The following CCDC42 variants were observed in gnomAD, a reference collection of about 807,000 sequenced individuals.
The protein encoded by CCDC42 is coiled-coil domain-containing protein 42.
A neutral mutation model predicts 40.8 loss-of-function variants in CCDC42; 38 were observed. That is an observed-to-expected ratio of 0.93 (90% CI 0.72 to 1.22). CCDC42 has a LOEUF of 1.22. Ranked by LOEUF, CCDC42 falls within the 50% of genes most tolerant of loss-of-function variation. CCDC42 has a pLI of 0.00. For synonymous variants in CCDC42, 135 were observed against 157.5 expected, an observed-to-expected ratio of 0.86 and a Z score of 1.07; for missense variants, 379 against 416.5, an observed-to-expected ratio of 0.91 and a Z score of 0.78.
chr17:8,733,569 C>T (rs1368673879), intron 6 of CCDC42, among the ~76,000 whole-genome samples: 5 of 152,250 alleles, frequency 3.3e-5, no homozygotes, highest in Admixed American at 3.3e-4. Flanking sequence ...TGGCTCACTA[C>T]AACCTCCGCC....
chr17:8,735,735 C>T lies in CCDC42; in HGVS notation c.493-124G>A. ...ACACCTGGGCAGGCAGGCCCTTGGC[C>T]AGGGTCACGGCCAGAGGCTGTGAGG... On this transcript the variant is annotated intron_variant, in intron 4 of 6. Coordinates refer to ENST00000293845, the MANE Select transcript of CCDC42 (RefSeq NM_144681.3). The surrounding 1 kb of genome is among the most constrained non-coding windows in gnomAD (Gnocchi z 4.7). 4 of 760,422 alleles carry T rather than the reference C, an allele frequency of 5.3e-6. No individual in the cohort carries two copies. Among genetic ancestry groups the T allele is most frequent in the Non-Finnish European group, 8.4e-6 (4 of 477,496 alleles). 47.1% of individuals were successfully genotyped at this position (760,422 alleles called of 1,614,324 possible).
chr17:8,740,003 G>A (rs1310569514), intron 4 of CCDC42, among the ~76,000 whole-genome samples: 1 of 152,166 alleles, frequency 6.6e-6, no homozygotes, highest in East Asian at 1.9e-4. Flanking sequence ...GAGTAAATTA[G>A]GTTAGTGGTT....
At chr17:8,732,360 TA>T (rs950246085) in intron 6 of CCDC42, among the ~76,000 whole-genome samples, 15 of 97,256 alleles carry the variant, frequency 1.5e-4, no homozygotes, top group Admixed American at 3.8e-4. Flanking sequence ...ATTAAAAAAA[TA>T]AAAAAAGGAT....
chr17:8,743,560 G>A, intron 3 of CCDC42, 66 bp downstream of exon 3: 2 of 890,410 alleles, frequency 2.2e-6, no homozygotes, highest in South Asian at 2.6e-5. Context: ...AGGAGGAGGA[G>A]TGCAGTTTGC....
intron 4 of CCDC42, among the ~76,000 whole-genome samples, chr17:8,737,489 T>C (rs770471099): frequency 5.9e-5 from 9 of 152,160 alleles, no homozygotes; most frequent in Middle Eastern, 3.2e-3. Context: ...AAATAAAGCA[T>C]TTAACAAACT....
chr17:8,736,606 A>T (rs543364747), intron 4 of CCDC42, among the ~76,000 whole-genome samples: 3 of 152,330 alleles, frequency 2.0e-5, no homozygotes, highest in Non-Finnish European at 4.4e-5. Context: ...CCAGTGATGG[A>T]TGCGTGTCCT....
At position 8,735,863 on chromosome 17, in the gene CCDC42, C is replaced by T. The variant is rs1188512135; in HGVS notation, c.493-252G>A. 2.0e-5 allele frequency among the ~76,000 whole-genome samples: 3 copies of T among 152,214 alleles called. No individual in the cohort carries two copies. The highest frequency in any genetic ancestry group is 2.0e-4 in the Admixed American group (3 of 15,286). On this transcript the variant is annotated intron_variant, in intron 4 of 6. Coordinates refer to ENST00000293845, the MANE Select transcript of CCDC42 (RefSeq NM_144681.3). This position sits in a 1 kb window ranked among gnomAD's most constrained non-coding sequence, Gnocchi z 4.7. ...CTGGGCTAGGGATTTTCGACTTTAA[C>T]TGCATGTGAGAATCACCTGTAGGGG...
In CCDC42 at chr17:8,741,677, G is replaced by T. The variant is rs2086646622; in HGVS notation, c.295-6C>A. 1.9e-6 allele frequency: 3 copies of T among 1,611,188 alleles called. No homozygotes were observed. Among genetic ancestry groups the T allele is most frequent in the South Asian group, 1.1e-5 (1 of 90,942 alleles). On this transcript the variant is annotated splice_region_variant and splice_polypyrimidine_tract_variant and intron_variant, in intron 3 of 6. Coordinates refer to ENST00000293845, the MANE Select transcript of CCDC42 (RefSeq NM_144681.3). ...ATCCGTTTCTGGTCGTTCTCCTGGG[G>T]CCCGGGGAGGTGGCGCTGGTCAGGA...
rs966974085 is a variant in CCDC42, at chr17:8,744,305, G to C, written c.84-121C>G. On this transcript the variant is annotated intron_variant, in intron 1 of 6. Coordinates refer to ENST00000293845, the MANE Select transcript of CCDC42 (RefSeq NM_144681.3). ...AGAGGGGCCTCTCTCCCTTTCCGAG[G>C]GAAAGGGCTGTTGTGTTGAGAAGCA... is the stretch of plus-strand genomic sequence containing the variant. The C allele has an allele frequency of 1.0e-5, 8 of 788,640 alleles. No individual in the cohort carries two copies. In the African/African-American group the frequency reaches 1.0e-4, roughly 10 times the overall value. 48.9% of individuals were successfully genotyped at this position (788,640 alleles called of 1,614,324 possible).
In CCDC42 at chr17:8,744,792, G is replaced by C. The variant is rs975800880; in HGVS notation, c.-183C>G. The C allele has an allele frequency of 3.3e-6, 2 of 611,960 alleles. No homozygotes were observed. The highest frequency in any genetic ancestry group is 5.9e-6 in the Non-Finnish European group (2 of 340,984). 37.9% of individuals were successfully genotyped at this position (611,960 alleles called of 1,614,324 possible). ...GCTGGAGACAGGTTGGGCGGCTCAG[G>C]ACGATGTGCTGGGGCAGTTATGGGA... is the stretch of plus-strand genomic sequence containing the variant. On this transcript the variant is annotated 5_prime_UTR_variant, in exon 1 of 7. Transcript: ENST00000293845.
intron 6 of CCDC42, among the ~76,000 whole-genome samples, chr17:8,734,192 T>A (rs1043055884): frequency 1.3e-5 from 2 of 152,270 alleles, no homozygotes; most frequent in Non-Finnish European, 2.9e-5. Flanking sequence ...ACATACTTTT[T>A]ATCATTATTT....
At position 8,743,714 on chromosome 17, in the gene CCDC42, A is replaced by G. The variant is rs778954682; in HGVS notation, c.206T>C (p.Met69Thr). Residue 69 changes from methionine (M) to threonine (T), a missense_variant, in exon 3 of 7, where the codon ATG becomes ACG. Physicochemically the swap from Met to Thr is moderately conservative, Grantham distance 81. Transcript: ENST00000293845. ...VQKKKMFQRRMETLNLRWEEL... is the reference protein window; with the variant it reads ...VQKKKMFQRRTETLNLRWEEL... ...CTCCCAGCGCAGGTTCAGGGTTTCC[A>G]TTCTGCGCTGAAACATCTTTGGGGT... is the stretch of plus-strand genomic sequence containing the variant. The G allele has an allele frequency of 4.2e-6, 6 of 1,442,528 alleles. No homozygotes were observed. Among genetic ancestry groups the G allele is most frequent in the Admixed American group, 3.3e-5 (2 of 59,738 alleles). The allele number at this position is 1,442,528 out of a possible 1,614,324, so 89.4% of individuals were successfully genotyped here. A position where few individuals can be genotyped will look rare whatever the true frequency, so the allele number is the denominator to read the frequency against.
chr17:8,740,210 AAAGTGGAGGATCGC>A (rs922927014), intron 4 of CCDC42, among the ~76,000 whole-genome samples: 11 of 152,026 alleles, frequency 7.2e-5, no homozygotes, highest in Admixed American at 6.6e-4. Flanking sequence ...GCTAAGAAGA[AAAGTGGAGGATCGC>A]TCACGCCTGT....
At chr17:8,731,652 A>G (rs1024657658) in intron 6 of CCDC42, among the ~76,000 whole-genome samples, 2 of 152,258 alleles carry the variant, frequency 1.3e-5, no homozygotes, top group African/African-American at 4.8e-5. Context: ...ACGCAGGAAC[A>G]GAAAACCAAA....
At position 8,735,673 on chromosome 17, in the gene CCDC42, T is replaced by G; in HGVS notation, c.493-62A>C. The G allele has an allele frequency of 7.0e-7, 1 of 1,424,916 alleles. No homozygotes were observed. Among genetic ancestry groups the G allele is most frequent in the Non-Finnish European group, 9.6e-7 (1 of 1,039,860 alleles). 88.3% of individuals were successfully genotyped at this position (1,424,916 alleles called of 1,614,324 possible). On this transcript the variant is annotated intron_variant, in intron 4 of 6. Transcript: ENST00000293845. The surrounding 1 kb of genome is among the most constrained non-coding windows in gnomAD (Gnocchi z 4.7). ...CCTGGGGCCTGAGGGAGCCACCCAG[T>G]CCTGCCAACCTCCAGCCTGGATGCC...
chr17:8,737,019 AAGAAAAGAAG>A (rs1294055010), intron 4 of CCDC42, among the ~76,000 whole-genome samples: 13 of 52,990 alleles, frequency 2.5e-4, no homozygotes, highest in East Asian at 6.5e-4. Flanking sequence ...AAAAGAAAAA[AAGAAAAGAAG>A]AGGGAGGGAG....
rs192995744 is a variant in CCDC42 at position 8,737,516 on chromosome 17, C to G, written c.493-1905G>C. ...TAACAAACTTTCTCTGCGAGACCCA[C>G]ATAGTAATCAAATGGTGGATGAAGG... On this transcript the variant is annotated intron_variant, in intron 4 of 6. Transcript: ENST00000293845. 5.6e-3 allele frequency among the ~76,000 whole-genome samples: 858 copies of G among 152,272 alleles called. 3 individuals carry two copies. The highest frequency in any genetic ancestry group is 0.017 in the Middle Eastern group (5 of 294).
chr17:8,743,883 G>A (rs897706530), intron 2 of CCDC42, among the ~76,000 whole-genome samples, 153 bp from the exon 3 acceptor site: 1 of 151,998 alleles, frequency 6.6e-6, no homozygotes. Flanking sequence ...CTGGCCCAGA[G>A]CAGAGCATCC....
In CCDC42 at chr17:8,735,377, C is replaced by G; in HGVS notation, c.714+13G>C. ...AGTGCCTGGGAGCCCCCGGCCCGCC[C>G]CGGGCCCCTCACCCAGAAGATGACA... On this transcript the variant is annotated intron_variant, in intron 5 of 6. Transcript: ENST00000293845. The surrounding 1 kb of genome is among the most constrained non-coding windows in gnomAD (Gnocchi z 4.7). 2.5e-6 allele frequency: 4 copies of G among 1,613,302 alleles called. No homozygotes were observed. Among genetic ancestry groups the G allele is most frequent in the Non-Finnish European group, 3.4e-6 (4 of 1,179,712 alleles).
Sources: gnomAD v4.1 joint callset for allele counts (sites outside exome capture counted in the v4.1 genomes callset) on GRCh38, gnomAD v4.1.1 for gene constraint, Gnocchi (gnomAD v3.1) non-coding constraint, MANE v1.5 for transcripts, NCBI Gene and HGNC (gene_info 2026-07-23, HGNC 2026-07-21) for gene names.